Variants in RIMKLB observed in about 807,000 individuals in gnomAD.
RIMKLB encodes the protein beta-citrylglutamate synthase B.
A neutral mutation model predicts 32.0 loss-of-function variants in RIMKLB; 7 were observed. The ratio of observed to expected loss-of-function variants is 0.22; its 90% CI spans 0.12 to 0.41. RIMKLB has a LOEUF of 0.41. Ranked by LOEUF, RIMKLB falls within the 10% of genes least tolerant of loss-of-function variation. The pLI is 1.00. For synonymous variants in RIMKLB, 172 were observed against 185.1 expected, an observed-to-expected ratio of 0.93 and a Z score of 0.57; for missense variants, 289 against 498.7, an observed-to-expected ratio of 0.58 and a Z score of 4.00.
At chr12:8,708,971 T>C (rs1285346879) in intron 1 of RIMKLB, among the ~76,000 whole-genome samples, 2 of 152,202 alleles carry the variant, frequency 1.3e-5, no homozygotes, top group East Asian at 3.8e-4. Context: ...TTTTTCTTGA[T>C]GCACTGGAGG....
intron 2 of RIMKLB, among the ~76,000 whole-genome samples, chr12:8,732,336 T>C (rs969429711): frequency 6.6e-6 from 1 of 152,150 alleles, no homozygotes; most frequent in African/African-American, 2.4e-5. Context: ...TCCTAAGGAA[T>C]CAAATTACTG....
At chr12:8,719,658 A>C (rs1565573376) in intron 2 of RIMKLB, among the ~76,000 whole-genome samples, 2 of 152,276 alleles carry the variant, frequency 1.3e-5, no homozygotes, top group East Asian at 1.9e-4. Context: ...CATGAGTCAC[A>C]GTGCCCAGCC....
rs148641025 is a variant in RIMKLB at position 8,691,146 on chromosome 12, G to A, written n.219+9328G>A. On this transcript the variant is annotated intron_variant and non_coding_transcript_variant, in intron 1 of 1. Transcript: ENST00000538758. The stretch of plus-strand genomic sequence containing the variant: ...TCCCAGTTACCCAGAAAAGTTCTGC[G>A]AAACAATACGAAAGATGGGAACCTG... 7.1e-3 allele frequency among the ~76,000 whole-genome samples: 1,077 copies of A among 152,120 alleles called. 15 individuals are homozygous for A. Among genetic ancestry groups the A allele is most frequent in the African/African-American group, 0.025 (1,020 of 41,494 alleles).
chr12:8,703,592 GA>G (rs1591642626), intron 1 of RIMKLB, among the ~76,000 whole-genome samples: 1 of 152,002 alleles, frequency 6.6e-6, no homozygotes, highest in Non-Finnish European at 1.5e-5. Flanking sequence ...CTAAAGTGTT[GA>G]TTTTTTTGTA....
intron 5 of RIMKLB, among the ~76,000 whole-genome samples, chr12:8,760,985 A>G (rs1016771825): frequency 3.3e-5 from 5 of 152,164 alleles, no homozygotes; most frequent in African/African-American, 1.2e-4. Flanking sequence ...TTATTTAGCT[A>G]TCCTAATAAG....
intron 2 of RIMKLB, among the ~76,000 whole-genome samples, chr12:8,747,798 C>T (rs932223576): frequency 2.6e-5 from 4 of 151,394 alleles, no homozygotes; most frequent in Non-Finnish European, 5.9e-5. Flanking sequence ...CTCTATTGTC[C>T]AGGCTGGAGT....
chr12:8,685,959 C>A (rs1942557968), intron 1 of RIMKLB, among the ~76,000 whole-genome samples: 2 of 152,212 alleles, frequency 1.3e-5, no homozygotes, highest in Non-Finnish European at 2.9e-5. Context: ...AAGCGCCCAC[C>A]ACCACGCCCG....
intron 5 of RIMKLB, among the ~76,000 whole-genome samples, chr12:8,768,315 G>T (rs7139182): frequency 3.3e-5 from 5 of 152,070 alleles, no homozygotes; most frequent in African/African-American, 1.2e-4. Context: ...GTCAACGGTG[G>T]GTCTGGGACA....
rs763815143 is a variant in RIMKLB at position 8,763,175 on chromosome 12, A to G, written c.697+9082A>G. ...CTACTGCTGCCACTGCCCATAAACA[A>G]TGAGGCTAACCCTTTGCCACTACAT... On this transcript the variant is annotated intron_variant, in intron 5 of 5. Coordinates refer to ENST00000535829, the MANE Select transcript of RIMKLB (RefSeq NM_001297776.2). Among the ~76,000 whole-genome samples the G allele has an allele frequency of 9.2e-5, 14 of 152,340 alleles. No individual in the cohort carries two copies. The East Asian group carries it at 2.7e-3, about 29-fold the overall frequency.
Position 8,774,001 on chromosome 12 carries a change from G to A in RIMKLB, c.*217G>A. ...CAAATAGAGAGGCAGAATAGGTGGGGTATAGAAAAATGTCAGGCTCTCATA... is the reference window on the plus strand; with the variant it reads ...CAAATAGAGAGGCAGAATAGGTGGGATATAGAAAAATGTCAGGCTCTCATA... On this transcript the variant is annotated 3_prime_UTR_variant, in exon 6 of 6. Coordinates refer to ENST00000535829, the MANE Select transcript of RIMKLB (RefSeq NM_001297776.2). 5.2e-6 allele frequency: 7 copies of A among 1,343,522 alleles called. No individual in the cohort carries two copies. The highest frequency in any genetic ancestry group is 6.7e-6 in the Non-Finnish European group (7 of 1,051,114). 83.2% of individuals were successfully genotyped at this position (1,343,522 alleles called of 1,614,324 possible).
At chr12:8,765,246 T>G (rs1448667320) in intron 5 of RIMKLB, among the ~76,000 whole-genome samples, 1 of 152,048 alleles carries the variant, frequency 6.6e-6, no homozygotes, top group Non-Finnish European at 1.5e-5. Context: ...TTTGTAGGCT[T>G]TTTCCTAGTT....
intron 1 of RIMKLB, among the ~76,000 whole-genome samples, chr12:8,691,533 C>G (rs1000044568): frequency 1.3e-5 from 2 of 151,968 alleles, no homozygotes; most frequent in Non-Finnish European, 2.9e-5. Context: ...TTGTTTGAAC[C>G]CAGGAGGCAA....
At chr12:8,678,323 CT>C (rs1440329413), upstream of RIMKLB, among the ~76,000 whole-genome samples, 1 of 150,172 alleles carries the variant, frequency 6.7e-6, no homozygotes, top group Non-Finnish European at 1.5e-5. Context: ...GCCGGTCTTT[CT>C]TTTTTTCTTT....
chr12:8,771,538 TTGTC>T (rs776395729), intron 5 of RIMKLB, among the ~76,000 whole-genome samples: 8 of 152,180 alleles, frequency 5.3e-5, no homozygotes, highest in East Asian at 3.8e-4. Context: ...GAATAATACT[TTGTC>T]TGAGATATAA....
At chr12:8,698,336 A>G (rs1943038711) in intron 1 of RIMKLB, 39 bp downstream of exon 1, 1 of 225,394 alleles carries the variant, frequency 4.4e-6, no homozygotes, top group Non-Finnish European at 9.5e-6. Context: ...GGTGTAGAGC[A>G]GTGAGGCGAA....
At chr12:8,762,734 G>C (rs780051834) in intron 5 of RIMKLB, among the ~76,000 whole-genome samples, 1 of 152,138 alleles carries the variant, frequency 6.6e-6, no homozygotes, top group South Asian at 2.1e-4. Flanking sequence ...TGCCAGCTGA[G>C]CGCTAGTTCC....
chr12:8,672,755 C>T, the RIMKLB span, among the ~76,000 whole-genome samples: 5 of 152,112 alleles, frequency 3.3e-5, no homozygotes, highest in Non-Finnish European at 7.4e-5. Flanking sequence ...GTGCTACCTC[C>T]CCGCCTCCCC....
intron 2 of RIMKLB, among the ~76,000 whole-genome samples, chr12:8,716,581 A>G (rs1245697041): frequency 6.9e-6 from 1 of 145,600 alleles, no homozygotes; most frequent in African/African-American, 2.5e-5. Flanking sequence ...TTTTTAGACT[A>G]AGAGTGAAGT....
upstream of RIMKLB, among the ~76,000 whole-genome samples, chr12:8,694,789 ATTAC>A (rs1356064160): frequency 6.6e-6 from 1 of 152,216 alleles, no homozygotes; most frequent in African/African-American, 2.4e-5. Context: ...TCTCAAAGAC[ATTAC>A]TTACCTATAG....
Sources: allele counts gnomAD v4.1 joint callset (sites outside exome capture counted in the v4.1 genomes callset), GRCh38; gene constraint gnomAD v4.1.1; transcripts MANE v1.5; gene names NCBI Gene and HGNC (gene_info 2026-07-23, HGNC 2026-07-21).